FSTL5: variants seen among roughly 807,000 people sequenced by gnomAD.
FSTL5 encodes the protein follistatin-related protein 5.
FSTL5 carries 62 observed loss-of-function variants against 89.1 expected under a neutral mutation model. The observed-to-expected ratio is 0.70, with a 90% CI of 0.57 to 0.86. FSTL5 has a LOEUF of 0.86. Among genes scored for constraint, FSTL5 ranks in the 40% least tolerant of loss-of-function variants. The pLI is 0.00. For missense variants in FSTL5, 1,057 were observed against 1,001.6 expected, an observed-to-expected ratio of 1.06 and a Z score of -0.75; for synonymous variants, 383 against 346.2, an observed-to-expected ratio of 1.11 and a Z score of -1.18.
chr4:161,582,744 T>G (rs1394974986), intron 8 of FSTL5, among the ~76,000 whole-genome samples: 1 of 152,230 alleles, frequency 6.6e-6, no homozygotes, highest in African/African-American at 2.4e-5. Context: ...TACTTGATAT[T>G]TATTTTCCCC....
chr4:161,954,570 A>C (rs979608518), intron 3 of FSTL5, among the ~76,000 whole-genome samples: 1 of 151,636 alleles, frequency 6.6e-6, no homozygotes, highest in Non-Finnish European at 1.5e-5. Flanking sequence ...CATTCTAAGT[A>C]TGTATGTCTG....
chr4:161,977,630 A>ATAATAATAAT (rs576145692), intron 3 of FSTL5, among the ~76,000 whole-genome samples: 2 of 81,430 alleles, frequency 2.5e-5, no homozygotes, highest in African/African-American at 4.0e-5. Flanking sequence ...AAAAAAAAAA[A>ATAATAATAAT]AAAAAAAAAA....
At position 161,488,742 on chromosome 4, in the gene FSTL5, T is replaced by C. The variant is rs1729765643; in HGVS notation, c.1459-7573A>G. 2.0e-5 allele frequency among the ~76,000 whole-genome samples: 3 copies of C among 152,266 alleles called. No homozygotes were observed. The South Asian group carries it at 6.2e-4, about 32-fold the overall frequency. On this transcript the variant is annotated intron_variant, in intron 12 of 15. Transcript: ENST00000306100. ...TTATTTTCATCTAGGAAATTATCGA[T>C]GTACTACATTTGACAAAAATTATAA...
intron 7 of FSTL5, among the ~76,000 whole-genome samples, chr4:161,621,170 A>G (rs1735106799): frequency 6.6e-6 from 1 of 152,088 alleles, no homozygotes; most frequent in Non-Finnish European, 1.5e-5. Flanking sequence ...AATCTTGCAA[A>G]GGGTATTTTC....
At chr4:162,023,191 T>G (rs6847013) in intron 3 of FSTL5, among the ~76,000 whole-genome samples, 4 of 152,056 alleles carry the variant, frequency 2.6e-5, no homozygotes, top group African/African-American at 9.7e-5. Flanking sequence ...TCGTGTGGTA[T>G]GGTAAGATTT....
chr4:161,710,966 A>G (rs1298470549), intron 6 of FSTL5, among the ~76,000 whole-genome samples: 1 of 152,202 alleles, frequency 6.6e-6, no homozygotes, highest in Non-Finnish European at 1.5e-5. Flanking sequence ...AATCAAAAAA[A>G]CATTTCTAGA....
chr4:161,841,814 G>C (rs1731221126), intron 4 of FSTL5, among the ~76,000 whole-genome samples: 1 of 152,098 alleles, frequency 6.6e-6, no homozygotes, highest in Non-Finnish European at 1.5e-5. Flanking sequence ...TATTCCACTA[G>C]TTGGCTCTTT....
chr4:161,567,661 A>T (rs1275499660), intron 8 of FSTL5, among the ~76,000 whole-genome samples: 1 of 152,180 alleles, frequency 6.6e-6, no homozygotes, highest in Admixed American at 6.6e-5. Flanking sequence ...TATCAAAAAC[A>T]AGATGCAGTA....
chr4:161,898,685 A>T (rs1203264880), intron 4 of FSTL5, among the ~76,000 whole-genome samples: 1 of 141,854 alleles, frequency 7.0e-6, no homozygotes, highest in Admixed American at 7.5e-5. Flanking sequence ...GCTGGAGTGC[A>T]GTGGCATGAT....
intron 4 of FSTL5, among the ~76,000 whole-genome samples, chr4:161,835,133 C>T (rs1560872560): frequency 6.7e-6 from 1 of 148,410 alleles, no homozygotes; most frequent in African/African-American, 2.6e-5. Flanking sequence ...GAACAGAGCC[C>T]TCAGAAATAA....
chr4:161,983,233 G>A (rs28418473), intron 3 of FSTL5, among the ~76,000 whole-genome samples: 10,688 of 152,110 alleles, frequency 0.07, 1,050 homozygotes, highest in African/African-American at 0.22. Flanking sequence ...GCCAAGTCAG[G>A]GGTGTGTCTG....
chr4:161,421,509 G>A (rs1272357337), intron 15 of FSTL5, among the ~76,000 whole-genome samples: 2 of 152,140 alleles, frequency 1.3e-5, no homozygotes, highest in Non-Finnish European at 2.9e-5. Context: ...GGAGATTAGG[G>A]TTTAAGGAGG....
chr4:161,577,472 A>AC (rs1312355239), intron 8 of FSTL5, among the ~76,000 whole-genome samples: 9 of 81,348 alleles, frequency 1.1e-4, no homozygotes, highest in South Asian at 5.0e-4. Flanking sequence ...AAGAAAAAAG[A>AC]CAAAAAAAAA....
chr4:161,724,878 CT>C (rs1476800711), intron 6 of FSTL5, among the ~76,000 whole-genome samples: 2 of 152,078 alleles, frequency 1.3e-5, no homozygotes, highest in Non-Finnish European at 2.9e-5. Flanking sequence ...TAATTCATAA[CT>C]GCTTGTGGTG....
intron 9 of FSTL5, among the ~76,000 whole-genome samples, chr4:161,541,137 GT>G (rs1397166772): frequency 6.6e-6 from 1 of 152,018 alleles, no homozygotes; most frequent in Non-Finnish European, 1.5e-5. Context: ...TAATTAAACA[GT>G]TATTAAGCCA....
chr4:162,012,913 G>C (rs78311027), intron 3 of FSTL5, among the ~76,000 whole-genome samples: 3,163 of 152,132 alleles, frequency 0.021, 151 homozygotes, highest in East Asian at 0.19. Context: ...GCTGGGCGTC[G>C]TGGCTCACTC....
intron 2 of FSTL5, among the ~76,000 whole-genome samples, chr4:162,085,815 T>A (rs1730295934): frequency 6.6e-6 from 1 of 152,170 alleles, no homozygotes; most frequent in South Asian, 2.1e-4. Context: ...TCTTGGATAC[T>A]AAAATGCAGA....
chr4:162,012,984 G>A (rs949667423), intron 3 of FSTL5, among the ~76,000 whole-genome samples: 2 of 152,024 alleles, frequency 1.3e-5, no homozygotes, highest in Non-Finnish European at 2.9e-5. Flanking sequence ...AGGAGTTCAA[G>A]ACCAGTCTGC....
chr4:161,405,627 A>G (rs1003272931), intron 15 of FSTL5, among the ~76,000 whole-genome samples: 7 of 152,180 alleles, frequency 4.6e-5, no homozygotes, highest in South Asian at 2.1e-4. Context: ...CAGAAAATGT[A>G]TTTGAAGAAA....
Sources: allele counts gnomAD v4.1 joint callset (sites outside exome capture counted in the v4.1 genomes callset), GRCh38; gene constraint gnomAD v4.1.1; transcripts MANE v1.5; gene names NCBI Gene and HGNC (gene_info 2026-07-23, HGNC 2026-07-21).